NCAM1: variants seen among roughly 807,000 people sequenced by gnomAD.
NCAM1 encodes antigen recognized by monoclonal antibody 5.1H11.
NCAM1 carries 14 observed loss-of-function variants against 109.8 expected under a neutral mutation model. That is an observed-to-expected ratio of 0.13 (90% CI 0.08 to 0.20). The LOEUF is 0.20. Ranked by LOEUF, NCAM1 falls within the 10% of genes least tolerant of loss-of-function variation. The probability of loss-of-function intolerance (pLI) is 1.00; values close to 1 mark genes in which losing one functional copy is unlikely to be tolerated. For synonymous variants in NCAM1, 418 were observed against 442.9 expected (o/e 0.94, Z 0.70); for missense variants, 774 against 1,109.9 (o/e 0.70, Z 4.30).
intron 1 of NCAM1, among the ~76,000 whole-genome samples, chr11:113,002,239 C>G (rs975648963): frequency 1.8e-4 from 27 of 152,172 alleles, no homozygotes; most frequent in African/African-American, 6.3e-4. Context: ...ATTGCAAAAG[C>G]TGTTGCATAA....
intron 1 of NCAM1, among the ~76,000 whole-genome samples, chr11:113,187,563 CTGTGTGTGTG>C (rs33947463): frequency 6.8e-6 from 1 of 147,138 alleles, no homozygotes; most frequent in African/African-American, 2.5e-5. Context: ...GTGTGTGTTT[CTGTGTGTGTG>C]TGTGTGTGTG....
chr11:113,042,485 C>T (rs1176233736), intron 1 of NCAM1, among the ~76,000 whole-genome samples: 3 of 152,186 alleles, frequency 2.0e-5, no homozygotes, highest in Non-Finnish European at 4.4e-5. Context: ...TCACTTGTTC[C>T]CAGTCCCCGA....
chr11:113,196,172 C>T (rs1943850430), intron 1 of NCAM1, among the ~76,000 whole-genome samples: 1 of 152,250 alleles, frequency 6.6e-6, no homozygotes, highest in East Asian at 1.9e-4. Flanking sequence ...GACTCCAGAT[C>T]CTGAGTTCTT....
chr11:113,177,898 T>C (rs574215143), intron 1 of NCAM1, among the ~76,000 whole-genome samples: 1 of 152,222 alleles, frequency 6.6e-6, no homozygotes, highest in African/African-American at 2.4e-5. Context: ...CATTTTCCCA[T>C]GGCCTCTCCC....
chr11:113,074,600 T>G (rs782050853), intron 1 of NCAM1, among the ~76,000 whole-genome samples: 2 of 152,224 alleles, frequency 1.3e-5, no homozygotes, highest in Non-Finnish European at 2.9e-5. Context: ...TGTGCTAGTA[T>G]TATTGAGGAG....
At chr11:113,099,516 C>G (rs1487245392) in intron 1 of NCAM1, among the ~76,000 whole-genome samples, 1 of 152,096 alleles carries the variant, frequency 6.6e-6, no homozygotes, top group Non-Finnish European at 1.5e-5. Flanking sequence ...AACTAGCTAA[C>G]AGAGGAATGT....
chr11:112,968,607 T>C (rs1436309617), intron 1 of NCAM1, among the ~76,000 whole-genome samples: 2 of 152,206 alleles, frequency 1.3e-5, no homozygotes, highest in Non-Finnish European at 2.9e-5. Context: ...ACGTACATCG[T>C]CCCTGTTTTC....
At chr11:113,149,311 A>G (rs1942138042) in intron 1 of NCAM1, among the ~76,000 whole-genome samples, 1 of 152,188 alleles carries the variant, frequency 6.6e-6, no homozygotes, top group Non-Finnish European at 1.5e-5. Flanking sequence ...TGACAAGAGC[A>G]AACATATGTT....
intron 1 of NCAM1, among the ~76,000 whole-genome samples, chr11:113,157,807 A>G (rs1234052085): frequency 2.0e-5 from 3 of 152,178 alleles, no homozygotes; most frequent in Non-Finnish European, 4.4e-5. Context: ...TTATTTTAAT[A>G]TCTGCCTTAA....
chr11:112,961,538 C>A lies in NCAM1; in HGVS notation c.-75C>A. ...GCCCCTAGGTCTGTCGCTCAGCCGCCGTCCACACTCGCTGCAGGGGGGGGG... is the reference window on the plus strand; with the variant it reads ...GCCCCTAGGTCTGTCGCTCAGCCGCAGTCCACACTCGCTGCAGGGGGGGGG... On this transcript the variant is annotated 5_prime_UTR_variant, in exon 1 of 20. Transcript: ENST00000316851. 1.1e-6 allele frequency: 1 copy of A among 945,154 alleles called. No homozygotes were observed. The allele number at this position is 945,154 out of a possible 1,614,324, so 58.5% of individuals were successfully genotyped here.
At chr11:113,255,463 G>T (rs1035519433) in intron 15 of NCAM1, among the ~76,000 whole-genome samples, 1 of 152,052 alleles carries the variant, frequency 6.6e-6, no homozygotes, top group African/African-American at 2.4e-5. Flanking sequence ...AATTTTATAG[G>T]TGGGAGTTTC....
intron 8 of NCAM1, 42 bp from the exon 9 acceptor site, chr11:113,221,254 T>G (rs1361772713): frequency 6.4e-7 from 1 of 1,550,562 alleles, no homozygotes; most frequent in Non-Finnish European, 8.7e-7. Flanking sequence ...GTTGTAAAAT[T>G]TTACTGCTTT....
intron 1 of NCAM1, among the ~76,000 whole-genome samples, chr11:113,095,344 T>G (rs1386190771): frequency 7.9e-5 from 11 of 139,914 alleles, no homozygotes; most frequent in Admixed American, 2.3e-4. Context: ...ATGTATGTGC[T>G]TATCTAACTC....
At chr11:113,142,525 GT>G (rs1228104077) in intron 1 of NCAM1, among the ~76,000 whole-genome samples, 1 of 152,172 alleles carries the variant, frequency 6.6e-6, no homozygotes, top group Non-Finnish European at 1.5e-5. Context: ...GTACCAGTGT[GT>G]TTTTGGTTCA....
intron 9 of NCAM1, among the ~76,000 whole-genome samples, chr11:113,229,851 C>T (rs1555116865): frequency 6.6e-6 from 1 of 151,980 alleles, no homozygotes; most frequent in Admixed American, 6.6e-5. Context: ...CCAAACACTG[C>T]ATGTTCTCAC....
intron 1 of NCAM1, among the ~76,000 whole-genome samples, chr11:113,083,621 T>A: frequency 6.6e-6 from 1 of 152,222 alleles, no homozygotes; most frequent in Non-Finnish European, 1.5e-5. Context: ...TTTCAGTATG[T>A]TTGGCATGAT....
intron 17 of NCAM1, chr11:113,264,118 AC>A (rs1946081150): frequency 1.0e-6 from 1 of 985,022 alleles, no homozygotes; most frequent in Non-Finnish European, 1.2e-6. Context: ...TTGGGGATGG[AC>A]CTTCTACTGA....
At chr11:113,260,545 C>T (rs1198636259) in intron 17 of NCAM1, among the ~76,000 whole-genome samples, 4 of 152,160 alleles carry the variant, frequency 2.6e-5, no homozygotes, top group African/African-American at 9.7e-5. Flanking sequence ...GAGAAAAGGT[C>T]CTGTCCCATT....
At chr11:113,250,925 G>A (rs1014508871) in intron 15 of NCAM1, among the ~76,000 whole-genome samples, 19 of 152,178 alleles carry the variant, frequency 1.2e-4, no homozygotes, top group African/African-American at 4.3e-4. Context: ...AGCCTCCTGC[G>A]TAGCTGGGAT....
Sources: gnomAD v4.1 joint callset for allele counts (sites outside exome capture counted in the v4.1 genomes callset) on GRCh38, gnomAD v4.1.1 for gene constraint, MANE v1.5 for transcripts, NCBI Gene and HGNC (gene_info 2026-07-23, HGNC 2026-07-21) for gene names.